Variants in CCDC146 observed in about 807,000 individuals in gnomAD.
The protein encoded by CCDC146 is coiled-coil domain containing 146.
In CCDC146, 92 loss-of-function variants were observed where a neutral mutation model predicts 119.3. The ratio of observed to expected loss-of-function variants is 0.77; its 90% CI spans 0.65 to 0.92. The LOEUF (loss-of-function observed/expected upper bound fraction) is 0.92. Ranked by LOEUF, CCDC146 falls within the 40% of genes least tolerant of loss-of-function variation. The pLI is 0.00. For missense variants in CCDC146, 1,000 were observed against 1,103.0 expected (o/e 0.91, Z 1.32); for synonymous variants, 372 against 371.8 (o/e 1.00, Z -0.01).
In CCDC146 at chr7:77,168,042, C is replaced by T. The variant is rs57627557; in HGVS notation, c.156+218C>T. Among the ~76,000 whole-genome samples the T allele has an allele frequency of 1.1e-3, 175 of 152,290 alleles. 1 individual carries two copies. The highest frequency in any genetic ancestry group is 4.0e-3 in the African/African-American group (168 of 41,578). ...GCAGTAGTGTAGGTTCTGATACTTT[C>T]GTAGCATAAGTATTTGCACATATAT... On this transcript the variant is annotated intron_variant, in intron 2 of 18. Coordinates refer to ENST00000285871, the MANE Select transcript of CCDC146 (RefSeq NM_020879.3).
At chr7:77,173,341 G>A (rs1791453998) in intron 2 of CCDC146, among the ~76,000 whole-genome samples, 1 of 152,156 alleles carries the variant, frequency 6.6e-6, no homozygotes, top group Non-Finnish European at 1.5e-5. Context: ...TCAAAGTGAT[G>A]CTTGGGGCTG....
chr7:77,267,948 T>G (rs1280134939), intron 9 of CCDC146, among the ~76,000 whole-genome samples: 1 of 152,156 alleles, frequency 6.6e-6, no homozygotes, highest in Non-Finnish European at 1.5e-5. Flanking sequence ...CATCAGCAGT[T>G]GAATGCGCTG....
chr7:77,239,166 T>C (rs1196327772), intron 3 of CCDC146, among the ~76,000 whole-genome samples: 1 of 152,244 alleles, frequency 6.6e-6, no homozygotes, highest in Non-Finnish European at 1.5e-5. Flanking sequence ...TTGCGATTTG[T>C]GTTCTGGCTG....
In CCDC146 at chr7:77,279,063, A is replaced by G. The variant is rs1452358790; in HGVS notation, c.1656A>G (p.Glu552=). The change falls in exon 13 of 19, where the codon GAA becomes GAG. Residue 552 remains glutamate, a synonymous_variant. Coordinates refer to ENST00000285871, the MANE Select transcript of CCDC146 (RefSeq NM_020879.3). ...AAAGGCATAAAATGTCATTAAATGAACTTGAAATTCTGAGAAATAGTGCCG... is the reference window on the plus strand; with the variant it reads ...AAAGGCATAAAATGTCATTAAATGAGCTTGAAATTCTGAGAAATAGTGCCG... ...IKERHKMSLN[E]LEILRNSAVS... 6.2e-7 allele frequency: 1 copy of G among 1,610,910 alleles called. No individual in the cohort carries two copies. The highest frequency in any genetic ancestry group is 8.5e-7 in the Non-Finnish European group (1 of 1,178,224).
intron 4 of CCDC146, among the ~76,000 whole-genome samples, chr7:77,251,394 A>G (rs893880651): frequency 9.2e-5 from 14 of 152,134 alleles, no homozygotes; most frequent in African/African-American, 3.4e-4. Context: ...GATTGAGTTT[A>G]TCTGTTAGCG....
intron 2 of CCDC146, among the ~76,000 whole-genome samples, chr7:77,178,660 G>A (rs1791536492): frequency 1.3e-5 from 2 of 152,140 alleles, no homozygotes; most frequent in Admixed American, 6.6e-5. Flanking sequence ...GTTTACTACT[G>A]TTGTAGCAAC....
Position 77,132,101 on chromosome 7 carries a change from C to T in CCDC146, c.-12+9369C>T, listed in dbSNP as rs182290572. 4.3e-3 allele frequency among the ~76,000 whole-genome samples: 651 copies of T among 151,834 alleles called. 7 individuals carry two copies. Among genetic ancestry groups the T allele is most frequent in the African/African-American group, 0.015 (603 of 41,358 alleles). ...AAAATCATGCATAAAAAGAAAACAC[C>T]ATCTGTGAAGCAGATGACCTTACAG... On this transcript the variant is annotated intron_variant, in intron 1 of 18. Coordinates refer to ENST00000285871, the MANE Select transcript of CCDC146 (RefSeq NM_020879.3).
At chr7:77,217,568 G>A (rs745689097) in intron 2 of CCDC146, among the ~76,000 whole-genome samples, 1 of 151,442 alleles carries the variant, frequency 6.6e-6, no homozygotes, top group East Asian at 1.9e-4. Context: ...TATATAGAGA[G>A]AGAGAGAGAG....
intron 2 of CCDC146, among the ~76,000 whole-genome samples, chr7:77,180,221 T>C (rs1160758862): frequency 2.0e-5 from 3 of 149,646 alleles, no homozygotes; most frequent in Middle Eastern, 3.2e-3. Flanking sequence ...CATATGTATG[T>C]ACCATATATA....
At chr7:77,259,114 T>A in intron 7 of CCDC146, 46 bp downstream of exon 7, 1 of 1,099,748 alleles carries the variant, frequency 9.1e-7, no homozygotes. Flanking sequence ...GTCCAAGTTA[T>A]GTGTGCACAC....
chr7:77,261,724 A>G (rs6465501), intron 8 of CCDC146, among the ~76,000 whole-genome samples: 131,678 of 151,224 alleles, frequency 0.87, 57,692 homozygotes, highest in East Asian at 0.98. Flanking sequence ...TGATCCACCC[A>G]CCTCGGCCTC....
At chr7:77,143,104 A>C (rs554406482) in intron 1 of CCDC146, among the ~76,000 whole-genome samples, 3 of 151,802 alleles carry the variant, frequency 2.0e-5, no homozygotes. Flanking sequence ...AATGATTGCC[A>C]TTCTAACTGG....
intron 1 of CCDC146, among the ~76,000 whole-genome samples, chr7:77,128,577 T>C (rs1790740265): frequency 6.6e-6 from 1 of 151,246 alleles, no homozygotes; most frequent in African/African-American, 2.4e-5. Context: ...GCAGGCTGAA[T>C]TGAGAACTGT....
intron 17 of CCDC146, 62 bp downstream of exon 17, chr7:77,287,639 A>G: frequency 6.5e-7 from 1 of 1,543,156 alleles, no homozygotes; most frequent in Non-Finnish European, 8.8e-7. Flanking sequence ...TTTATTTTCC[A>G]CAGACCGACA....
chr7:77,194,766 A>C (rs1411241924), intron 2 of CCDC146: 1 of 152,108 alleles, frequency 6.6e-6, no homozygotes, highest in Non-Finnish European at 1.5e-5. Context: ...TTCAAATGTT[A>C]CTCTAGAGCA....
chr7:77,262,161 A>ATGTTGATGATGTCTTTC lies in CCDC146; in HGVS notation c.1027_1028insTGTTGATGATGTCTTTC (p.Lys343MetfsTer28), dbSNP rs1288578214. The ATGTTGATGATGTCTTTC allele has an allele frequency of 1.2e-6, 2 of 1,611,812 alleles. No individual in the cohort carries two copies. The highest frequency in any genetic ancestry group is 3.4e-5 in the Admixed American group (2 of 59,432). On this transcript the variant is annotated frameshift_variant, in exon 9 of 19. Coordinates refer to ENST00000285871, the MANE Select transcript of CCDC146 (RefSeq NM_020879.3). LOFTEE classifies it high-confidence loss of function. ...CAATTTACGCAACAGTCTCATTGAC[A>ATGTTGATGATGTCTTTC]AGCAGAACTACCATGATGAACTTTC...
intron 15 of CCDC146, among the ~76,000 whole-genome samples, chr7:77,284,791 T>C (rs558103628): frequency 1.6e-4 from 25 of 152,062 alleles, no homozygotes; most frequent in African/African-American, 5.6e-4. Flanking sequence ...AACTGAGACA[T>C]GCAGACTGTG....
At chr7:77,223,764 T>C (rs925103040) in intron 2 of CCDC146, among the ~76,000 whole-genome samples, 6 of 152,228 alleles carry the variant, frequency 3.9e-5, no homozygotes, top group African/African-American at 1.4e-4. Context: ...ACTTATAGGA[T>C]GTCAAATTAT....
chr7:77,226,537 T>G (rs1380734365), intron 2 of CCDC146, among the ~76,000 whole-genome samples: 1 of 152,256 alleles, frequency 6.6e-6, no homozygotes, highest in African/African-American at 2.4e-5. Context: ...TATTGTTACA[T>G]GTCATCCATG....
Sources: gnomAD v4.1 joint callset for allele counts (sites outside exome capture counted in the v4.1 genomes callset) on GRCh38, gnomAD v4.1.1 for gene constraint, MANE v1.5 for transcripts, NCBI Gene and HGNC (gene_info 2026-07-23, HGNC 2026-07-21) for gene names.